ARID4A: variants seen among roughly 807,000 people sequenced by gnomAD.
ARID4A encodes AT-rich interactive domain-containing protein 4A.
ARID4A carries 39 observed loss-of-function variants against 148.6 expected under a neutral mutation model. That is an observed-to-expected ratio of 0.26 (90% CI 0.20 to 0.34). The LOEUF (loss-of-function observed/expected upper bound fraction) is 0.34. Ranked by LOEUF, ARID4A falls within the 10% of genes least tolerant of loss-of-function variation. The pLI is 1.00. For missense variants in ARID4A, 1,265 were observed against 1,449.1 expected (o/e 0.87, Z 2.06); for synonymous variants, 475 against 481.2 (o/e 0.99, Z 0.17).
rs1272467978 is a variant in ARID4A, at chr14:58,303,964, A to G, written c.118-980A>G. ...GTCTCTAGTAAAAATACAAAAAATTAGCCAGACATGGTGGTGCAAACCTGT... is the reference window on the plus strand; with the variant it reads ...GTCTCTAGTAAAAATACAAAAAATTGGCCAGACATGGTGGTGCAAACCTGT... On this transcript the variant is annotated intron_variant, in intron 3 of 23. Transcript: ENST00000355431. Among the ~76,000 whole-genome samples, 9 of 152,194 alleles carry G rather than the reference A, an allele frequency of 5.9e-5. No homozygotes were observed. The East Asian group carries it at 1.4e-3, about 23-fold the overall frequency.
At chr14:58,308,356 C>A (rs2031766495) in intron 5 of ARID4A, among the ~76,000 whole-genome samples, 1 of 152,170 alleles carries the variant, frequency 6.6e-6, no homozygotes, top group Non-Finnish European at 1.5e-5. Flanking sequence ...AATTAGTAGG[C>A]CTGGGGATGG....
rs189178126 is a variant in ARID4A at position 58,347,606 on chromosome 14, A to G, written c.1173-41A>G. On this transcript the variant is annotated intron_variant, in intron 14 of 23. Coordinates refer to ENST00000355431, the MANE Select transcript of ARID4A (RefSeq NM_002892.4). ...AATAACATGAATTCAAGTTAGATGC[A>G]AAGACTGTAAGATTTCTTAAATGAA... The G allele has an allele frequency of 5.3e-4, 751 of 1,427,630 alleles. 3 individuals carry two copies. The African/African-American group carries it at 9.7e-3, about 18-fold the overall frequency. The allele number at this position is 1,427,630 out of a possible 1,614,324, so 88.4% of individuals were successfully genotyped here. A position where few individuals can be genotyped will look rare whatever the true frequency, so the allele number is the denominator to read the frequency against.
chr14:58,365,348 C>G, intron 20 of ARID4A, 48 bp downstream of exon 20: 2 of 1,541,128 alleles, frequency 1.3e-6, no homozygotes, highest in Non-Finnish European at 1.7e-6. Flanking sequence ...AACCAAAAAT[C>G]AAAACTGTTG....
At chr14:58,339,771 G>A (rs1013539408) in intron 11 of ARID4A, among the ~76,000 whole-genome samples, 1 of 152,048 alleles carries the variant, frequency 6.6e-6, no homozygotes, top group African/African-American at 2.4e-5. Flanking sequence ...AGGCATGGCT[G>A]GGGAGGCCTC....
chr14:58,307,199 T>C (rs987357062), intron 5 of ARID4A, among the ~76,000 whole-genome samples: 5 of 152,236 alleles, frequency 3.3e-5, no homozygotes, highest in Admixed American at 2.6e-4. Context: ...TTAAGTGGTA[T>C]AATTATTTTG....
At position 58,306,728 on chromosome 14, in the gene ARID4A, A is replaced by T. The variant is rs111311029; in HGVS notation, c.274+616A>T. 8.1e-3 allele frequency among the ~76,000 whole-genome samples: 1,239 copies of T among 152,228 alleles called. 23 individuals are homozygous for T. Among genetic ancestry groups the T allele is most frequent in the African/African-American group, 0.028 (1,153 of 41,534 alleles). ...CCCCGTCTCTACTGAAAATACACAAATTAGCCTGGTATTAGTGGTGCATGC... is the reference window on the plus strand; with the variant it reads ...CCCCGTCTCTACTGAAAATACACAATTTAGCCTGGTATTAGTGGTGCATGC... On this transcript the variant is annotated intron_variant, in intron 5 of 23. Coordinates refer to ENST00000355431, the MANE Select transcript of ARID4A (RefSeq NM_002892.4).
At chr14:58,341,402 G>T (rs1430281899) in intron 11 of ARID4A, among the ~76,000 whole-genome samples, 1 of 152,206 alleles carries the variant, frequency 6.6e-6, no homozygotes. Context: ...TAGCTCCAGG[G>T]CTGTCTACTA....
At chr14:58,344,818 A>G (rs1161282610) in intron 12 of ARID4A, 51 bp downstream of exon 12, 1 of 1,340,234 alleles carries the variant, frequency 7.5e-7, no homozygotes, top group Admixed American at 1.8e-5. Flanking sequence ...TCATGTTTAC[A>G]TTCTAGGTAT....
chr14:58,344,636 G>A (rs1287741398), intron 11 of ARID4A, 59 bp from the exon 12 acceptor site: 1 of 1,236,776 alleles, frequency 8.1e-7, no homozygotes, highest in Non-Finnish European at 1.1e-6. Flanking sequence ...AAAAATAAAA[G>A]AAGACATGTA....
In ARID4A at chr14:58,372,804, T is replaced by C. The variant is rs1014330238; in HGVS notation, c.*815T>C. ...ACAACAATGAAGTTATTTAACAAGA[T>C]TTCTAAAGCTGAAATTTTTGTGTAA... is the stretch of plus-strand genomic sequence containing the variant. On this transcript the variant is annotated 3_prime_UTR_variant, in exon 24 of 24. Transcript: ENST00000355431. 20 of 180,160 alleles carry C rather than the reference T, an allele frequency of 1.1e-4. No individual in the cohort carries two copies. Among genetic ancestry groups the C allele is most frequent in the Non-Finnish European group, 2.1e-4 (18 of 84,112 alleles). 11.2% of individuals were successfully genotyped at this position (180,160 alleles called of 1,614,324 possible). A position where few individuals can be genotyped will look rare whatever the true frequency, so the allele number is the denominator to read the frequency against.
At chr14:58,306,676 G>A (rs1391354190) in intron 5 of ARID4A, among the ~76,000 whole-genome samples, 6 of 152,108 alleles carry the variant, frequency 3.9e-5, no homozygotes, top group Non-Finnish European at 8.8e-5. Flanking sequence ...TCAGAAGTTC[G>A]AGACCAGCCT....
At chr14:58,350,862 A>T (rs1216583096) in intron 15 of ARID4A, among the ~76,000 whole-genome samples, 1 of 152,174 alleles carries the variant, frequency 6.6e-6, no homozygotes, top group Non-Finnish European at 1.5e-5. Context: ...CTTAGGTAGT[A>T]TATAGCCAAA....
intron 22 of ARID4A, 152 bp from the exon 23 acceptor site, chr14:58,366,731 T>G (rs1375893443): frequency 1.9e-6 from 1 of 521,402 alleles, no homozygotes; most frequent in Non-Finnish European, 3.2e-6. Context: ...AATTCACGAC[T>G]TCCTTGTTTT....
intron 11 of ARID4A, among the ~76,000 whole-genome samples, chr14:58,339,125 C>T (rs1043784189): frequency 6.6e-6 from 1 of 151,646 alleles, no homozygotes; most frequent in Non-Finnish European, 1.5e-5. Context: ...CATGCACCAC[C>T]ATGCCCGGCT....
At chr14:58,328,917 C>T (rs765495929) in intron 9 of ARID4A, among the ~76,000 whole-genome samples, 2 of 151,378 alleles carry the variant, frequency 1.3e-5, no homozygotes, top group African/African-American at 4.9e-5. Flanking sequence ...TGCTTGAACC[C>T]GGGAGGCAGA....
chr14:58,311,386 G>T (rs560369011), intron 5 of ARID4A, among the ~76,000 whole-genome samples: 1 of 152,250 alleles, frequency 6.6e-6, no homozygotes, highest in Non-Finnish European at 1.5e-5. Context: ...ACTACAAAGA[G>T]ATTTTACCTC....
At chr14:58,351,346 TC>T in intron 16 of ARID4A, 23 bp downstream of exon 16, 1 of 1,580,046 alleles carries the variant, frequency 6.3e-7, no homozygotes, top group Non-Finnish European at 8.5e-7. Flanking sequence ...ATGTTTGTTC[TC>T]CAGAAGCACC....
chr14:58,350,627 A>C (rs779308333), intron 15 of ARID4A, among the ~76,000 whole-genome samples: 65 of 152,244 alleles, frequency 4.3e-4, no homozygotes, highest in Non-Finnish European at 5.9e-5. Flanking sequence ...TACTAACGGT[A>C]GAATTAGAGA....
chr14:58,344,122 G>A (rs2034244038), intron 11 of ARID4A, among the ~76,000 whole-genome samples: 1 of 152,052 alleles, frequency 6.6e-6, no homozygotes, highest in Admixed American at 6.6e-5. Context: ...AGATGAGGGG[G>A]TGATGAGGTC....
Sources: gnomAD v4.1 joint callset for allele counts (sites outside exome capture counted in the v4.1 genomes callset) on GRCh38, gnomAD v4.1.1 for gene constraint, MANE v1.5 for transcripts, NCBI Gene and HGNC (gene_info 2026-07-23, HGNC 2026-07-21) for gene names.